The following BEAN1 variants were observed in gnomAD, a reference collection of about 807,000 sequenced individuals.
The protein encoded by BEAN1 is protein BEAN1.
Under a neutral mutation model 17.7 loss-of-function variants are expected in BEAN1, and 17 were observed. The ratio of observed to expected loss-of-function variants is 0.96; its 90% CI spans 0.66 to 1.44. The LOEUF is 1.44. Ranked by LOEUF, BEAN1 falls within the 40% of genes most tolerant of loss-of-function variation. The pLI, the probability that BEAN1 is intolerant of heterozygous loss-of-function variation, is 0.00. For missense variants in BEAN1, 359 were observed against 374.1 expected (o/e 0.96, Z 0.33); for synonymous variants, 142 against 151.8 (o/e 0.94, Z 0.47).
intron 1 of BEAN1, among the ~76,000 whole-genome samples, chr16:66,429,685 C>G (rs951590082): frequency 2.0e-5 from 3 of 152,174 alleles, no homozygotes; most frequent in African/African-American, 7.2e-5. Context: ...CTCCCTCTCT[C>G]CTCTTCTTCC....
chr16:66,454,729 CTTTTTTTTTTT>C (rs538469751), intron 2 of BEAN1, among the ~76,000 whole-genome samples: 2 of 83,680 alleles, frequency 2.4e-5, no homozygotes, highest in Non-Finnish European at 4.8e-5. Flanking sequence ...TTCTTTCTTT[CTTTTTTTTTTT>C]TTTTTTTTTG....
chr16:66,494,436 A>AGTGAG (rs1964219219), downstream of BEAN1, among the ~76,000 whole-genome samples: 1 of 152,138 alleles, frequency 6.6e-6, no homozygotes, highest in Non-Finnish European at 1.5e-5. Context: ...GGGAAGAGTT[A>AGTGAG]GTGAGGTGAG....
At chr16:66,477,809 C>G in intron 4 of BEAN1, 99 bp downstream of exon 4, 5 of 1,299,492 alleles carry the variant, frequency 3.8e-6, no homozygotes, top group Non-Finnish European at 5.1e-6. Context: ...CTCTGCATGT[C>G]GTATAAATGC....
chr16:66,469,454 G>A (rs1159989437), intron 2 of BEAN1, 148 bp from the exon 3 acceptor site: 10 of 990,382 alleles, frequency 1.0e-5, no homozygotes, highest in Non-Finnish European at 1.4e-5. Flanking sequence ...TTCTCCCCCA[G>A]GAGCAGCCAG....
intron 3 of BEAN1, among the ~76,000 whole-genome samples, chr16:66,475,180 A>G (rs1421578297): frequency 2.0e-5 from 3 of 152,152 alleles, no homozygotes; most frequent in Non-Finnish European, 4.4e-5. Context: ...GAGAGAAGGG[A>G]AAAGAAGGGA....
At chr16:66,454,970 T>C (rs547773880) in intron 2 of BEAN1, among the ~76,000 whole-genome samples, 27 of 152,282 alleles carry the variant, frequency 1.8e-4, no homozygotes, top group Admixed American at 3.3e-4. Context: ...TGTGCTTACC[T>C]GACATTCAGT....
In BEAN1 at chr16:66,480,888, C is replaced by T. The variant is rs1157229630; in HGVS notation, c.743C>T (p.Thr248Ile). The change falls in exon 5 of 5, where the codon ACC (threonine) becomes ATC (isoleucine). Residue 248 changes from threonine (T) to isoleucine (I), a missense_variant. Physicochemically the swap from Thr to Ile is moderately conservative, Grantham distance 89. Coordinates refer to ENST00000536005, the MANE Select transcript of BEAN1 (RefSeq NM_001178020.3). ...PRGSQGSPTP[T>I]RAPASGPERI... ...GGCTCCCAGGGCTCACCCACCCCAA[C>T]CCGGGCCCCAGCCTCTGGCCCAGAG... 6.8e-7 allele frequency: 1 copy of T among 1,467,626 alleles called. No individual in the cohort carries two copies. Among genetic ancestry groups the T allele is most frequent in the South Asian group, 1.4e-5 (1 of 71,672 alleles). 90.9% of individuals were successfully genotyped at this position (1,467,626 alleles called of 1,614,324 possible). A position where few individuals can be genotyped will look rare whatever the true frequency, so the allele number is the denominator to read the frequency against.
intron 2 of BEAN1, 92 bp downstream of exon 2, chr16:66,437,793 C>T (rs996777343): frequency 5.6e-6 from 8 of 1,436,962 alleles, no homozygotes; most frequent in South Asian, 2.4e-5. Context: ...AGGTGTTTGG[C>T]CAAAGAACTG....
At position 66,434,398 on chromosome 16, in the gene BEAN1, C is replaced by A. The variant is rs1048673793; in HGVS notation, c.-82-3197C>A. Reference sequence around the variant, plus strand: ...TCTTGATGACCCCGACAAAGCTCTACCCTAGCAGAGGGTCTGATGCCACCA... The same window carrying A: ...TCTTGATGACCCCGACAAAGCTCTAACCTAGCAGAGGGTCTGATGCCACCA... On this transcript the variant is annotated intron_variant, in intron 1 of 4. Transcript: ENST00000536005. This position sits in a 1 kb window ranked among gnomAD's most constrained non-coding sequence, Gnocchi z 4.3. Among the ~76,000 whole-genome samples, 2 of 152,148 alleles carry A rather than the reference C, an allele frequency of 1.3e-5. No individual in the cohort carries two copies. Among genetic ancestry groups the A allele is most frequent in the African/African-American group, 4.8e-5 (2 of 41,436 alleles).
At chr16:66,470,431 A>C (rs899440267) in intron 3 of BEAN1, among the ~76,000 whole-genome samples, 3 of 151,700 alleles carry the variant, frequency 2.0e-5, no homozygotes, top group African/African-American at 7.3e-5. Context: ...AAATGGAGGG[A>C]TGGATAGATG....
chr16:66,484,991 G>A (rs1384990919), downstream of BEAN1: 1 of 454,150 alleles, frequency 2.2e-6, no homozygotes, highest in Admixed American at 2.3e-5. This position sits in a 1 kb window ranked among gnomAD's most constrained non-coding sequence, Gnocchi z 4.2. Context: ...GTCCACAAGA[G>A]CCATCATTGG....
chr16:66,449,203 T>C (rs1375207387), intron 2 of BEAN1, among the ~76,000 whole-genome samples: 1 of 151,918 alleles, frequency 6.6e-6, no homozygotes, highest in African/African-American at 2.4e-5. Context: ...TGCTCAGTAT[T>C]ATGTTGTGAG....
In BEAN1 at chr16:66,471,202, C is replaced by T. The variant is rs1217565581; in HGVS notation, c.289+1337C>T. Among the ~76,000 whole-genome samples the T allele has an allele frequency of 2.0e-5, 3 of 152,214 alleles. No homozygotes were observed. Among genetic ancestry groups the T allele is most frequent in the Non-Finnish European group, 4.4e-5 (3 of 68,028 alleles). ...AGCCAGGTTTGGGGTATTTCCTGTCCTTTTTCAGAGTTAACTGGTTAAGGA... is the reference window on the plus strand; with the variant it reads ...AGCCAGGTTTGGGGTATTTCCTGTCTTTTTTCAGAGTTAACTGGTTAAGGA... On this transcript the variant is annotated intron_variant, in intron 3 of 4. Transcript: ENST00000536005. The surrounding 1 kb of genome is among the most constrained non-coding windows in gnomAD (Gnocchi z 4.7).
At chr16:66,489,954 G>C (rs1194735226) in intron 4 of BEAN1, among the ~76,000 whole-genome samples, 1 of 152,016 alleles carries the variant, frequency 6.6e-6, no homozygotes, top group Non-Finnish European at 1.5e-5. Context: ...TGGGAGCAGG[G>C]AGCAGAGATC....
chr16:66,476,625 G>A (rs140110911), intron 3 of BEAN1, among the ~76,000 whole-genome samples: 14 of 152,194 alleles, frequency 9.2e-5, no homozygotes, highest in Non-Finnish European at 1.9e-4. Flanking sequence ...GCTGTAGAGA[G>A]CTTAGCAAGG....
chr16:66,469,947 C>G, intron 3 of BEAN1, 82 bp downstream of exon 3: 7 of 1,480,082 alleles, frequency 4.7e-6, no homozygotes, highest in Non-Finnish European at 6.3e-6. Context: ...GTTGGCAACT[C>G]TGCCCTGGGT....
chr16:66,454,511 C>T (rs1193732860), intron 2 of BEAN1, among the ~76,000 whole-genome samples: 1 of 151,984 alleles, frequency 6.6e-6, no homozygotes. Context: ...TATATCTTGC[C>T]TTAAAGTCTA....
chr16:66,481,053 TAC>T lies in BEAN1; in HGVS notation c.*134_*135del, dbSNP rs974713536. ...AACACACACATAGACCAAACTTGTA[TAC>T]ACACAGACATCTACACTGACATACC... is the stretch of plus-strand genomic sequence containing the variant. On this transcript the variant is annotated 3_prime_UTR_variant, in exon 5 of 5. Coordinates refer to ENST00000536005, the MANE Select transcript of BEAN1 (RefSeq NM_001178020.3). This position sits in a 1 kb window ranked among gnomAD's most constrained non-coding sequence, Gnocchi z 4.1. 2.9e-6 allele frequency: 2 copies of T among 688,160 alleles called. No individual in the cohort carries two copies. The highest frequency in any genetic ancestry group is 7.3e-5 in the Admixed American group (2 of 27,318). The allele number at this position is 688,160 out of a possible 1,614,324, so 42.6% of individuals were successfully genotyped here. A position where few individuals can be genotyped will look rare whatever the true frequency, so the allele number is the denominator to read the frequency against.
chr16:66,443,413 A>C (rs914840438), intron 2 of BEAN1, among the ~76,000 whole-genome samples: 5 of 152,186 alleles, frequency 3.3e-5, no homozygotes, highest in Non-Finnish European at 7.4e-5. Flanking sequence ...ACAGCTAGAA[A>C]ATGGTGCGGT....
Sources: gnomAD v4.1 joint callset for allele counts (sites outside exome capture counted in the v4.1 genomes callset) on GRCh38, gnomAD v4.1.1 for gene constraint, Gnocchi (gnomAD v3.1) non-coding constraint, MANE v1.5 for transcripts, NCBI Gene and HGNC (gene_info 2026-07-23, HGNC 2026-07-21) for gene names.